Variants in WNT10A observed in about 807,000 individuals in gnomAD.
The protein encoded by WNT10A is protein Wnt-10a.
In WNT10A, 37 loss-of-function variants were observed where a neutral mutation model predicts 36.1. The observed-to-expected ratio is 1.02, with a 90% CI of 0.79 to 1.35. The LOEUF (loss-of-function observed/expected upper bound fraction) is 1.35. WNT10A is among the 40% of genes most tolerant of loss of function. The pLI is 0.00. For missense variants in WNT10A, 613 were observed against 601.4 expected, an observed-to-expected ratio of 1.02 and a Z score of -0.20; for synonymous variants, 255 against 254.1, an observed-to-expected ratio of 1.00 and a Z score of -0.03.
At chr2:218,883,642 C>A (rs940818730) in intron 2 of WNT10A, among the ~76,000 whole-genome samples, 1 of 151,554 alleles carries the variant, frequency 6.6e-6, no homozygotes, top group Non-Finnish European at 1.5e-5. Flanking sequence ...GGCATGCAGC[C>A]GCGAACTAAT....
At chr2:218,883,612 C>A (rs966602342) in intron 2 of WNT10A, among the ~76,000 whole-genome samples, 2 of 150,590 alleles carry the variant, frequency 1.3e-5, no homozygotes, top group Non-Finnish European at 3.0e-5. Context: ...CCCGGCCGAG[C>A]CCAGCCCGAC....
upstream of WNT10A, among the ~76,000 whole-genome samples, chr2:218,878,376 C>T (rs1402375701): frequency 6.6e-6 from 1 of 152,188 alleles, no homozygotes; most frequent in African/African-American, 2.4e-5. This position sits in a 1 kb window ranked among gnomAD's most constrained non-coding sequence, Gnocchi z 4.1. Flanking sequence ...CTCAGTATCA[C>T]TATTTGCCTC....
At chr2:218,874,533 G>T in the WNT10A span, among the ~76,000 whole-genome samples, 3 of 152,288 alleles carry the variant, frequency 2.0e-5, no homozygotes, top group African/African-American at 7.2e-5. Context: ...CCTTCCTTCT[G>T]GTTCCTCTTG....
At chr2:218,882,125 C>G in intron 1 of WNT10A, 36 bp from the exon 2 acceptor site, 2 of 1,603,510 alleles carry the variant, frequency 1.2e-6, no homozygotes, top group Non-Finnish European at 1.7e-6. Flanking sequence ...CTGGTCCCCC[C>G]AAAACACGTA....
intron 1 of WNT10A, among the ~76,000 whole-genome samples, chr2:218,881,734 G>A (rs141385662): frequency 6.6e-6 from 1 of 152,186 alleles, no homozygotes; most frequent in Admixed American, 6.5e-5. Flanking sequence ...CTGATGAAGT[G>A]TGCATGTGCG....
At chr2:218,878,050 C>G (rs764980156), upstream of WNT10A, among the ~76,000 whole-genome samples, 16 of 152,202 alleles carry the variant, frequency 1.1e-4, no homozygotes, top group Non-Finnish European at 2.2e-4. The surrounding 1 kb of genome is among the most constrained non-coding windows in gnomAD (Gnocchi z 4.1). Flanking sequence ...GCCTTTCATC[C>G]CCAGTGCTCC....
upstream of WNT10A, among the ~76,000 whole-genome samples, chr2:218,876,105 G>A (rs1158561346): frequency 6.6e-6 from 1 of 152,142 alleles, no homozygotes; most frequent in Non-Finnish European, 1.5e-5. Flanking sequence ...CTTTCTCCAT[G>A]ACAGCTCTAT....
chr2:218,893,291 GC>G lies in WNT10A; in HGVS notation c.*23del, dbSNP rs951810914. 2.0e-6 allele frequency: 3 copies of G among 1,537,478 alleles called. No individual in the cohort carries two copies. Among genetic ancestry groups the G allele is most frequent in the Non-Finnish European group, 2.6e-6 (3 of 1,147,274 alleles). On this transcript the variant is annotated 3_prime_UTR_variant, in exon 4 of 4. Transcript: ENST00000258411. The surrounding 1 kb of genome is among the most constrained non-coding windows in gnomAD (Gnocchi z 6.3). ...AAGTGAGCGGCCCGGGGTCCCCTGG[GC>G]CCTGATCGAGGTCCCCTCCTGGAGC...
chr2:218,881,115 C>A lies in WNT10A; in HGVS notation c.113+7C>A, dbSNP rs1322675392. The A allele has an allele frequency of 1.9e-6, 3 of 1,588,440 alleles. No homozygotes were observed. The highest frequency in any genetic ancestry group is 2.6e-6 in the Non-Finnish European group (3 of 1,166,868). Reference sequence around the variant, plus strand: ...TGGCTGCTGCCATGCCCAGGTGAGCCCTCACCTCATGCTCCGCCCTCCTAG... The same window carrying A: ...TGGCTGCTGCCATGCCCAGGTGAGCACTCACCTCATGCTCCGCCCTCCTAG... On this transcript the variant is annotated splice_region_variant and intron_variant, in intron 1 of 3. Transcript: ENST00000258411.
chr2:218,880,741 T>C, upstream of WNT10A: 1 of 439,926 alleles, frequency 2.3e-6, no homozygotes, highest in Non-Finnish European at 4.0e-6. This position sits in a 1 kb window ranked among gnomAD's most constrained non-coding sequence, Gnocchi z 7.7. Flanking sequence ...CCTCGGGAAA[T>C]TCCCCGGACC....
At chr2:218,878,375 A>T (rs1238536364), upstream of WNT10A, among the ~76,000 whole-genome samples, 1 of 151,828 alleles carries the variant, frequency 6.6e-6, no homozygotes, top group Non-Finnish European at 1.5e-5. This position sits in a 1 kb window ranked among gnomAD's most constrained non-coding sequence, Gnocchi z 4.1. Context: ...CCTCAGTATC[A>T]CTATTTGCCT....
At chr2:218,874,954 T>G in the WNT10A span, among the ~76,000 whole-genome samples, 6 of 152,096 alleles carry the variant, frequency 3.9e-5, no homozygotes, top group Non-Finnish European at 8.8e-5. Flanking sequence ...CTGCTCTATA[T>G]AGCAGAACCA....
chr2:218,880,197 A>C (rs1944492720), upstream of WNT10A, among the ~76,000 whole-genome samples: 2 of 152,120 alleles, frequency 1.3e-5, no homozygotes, highest in South Asian at 2.1e-4. This position sits in a 1 kb window ranked among gnomAD's most constrained non-coding sequence, Gnocchi z 7.7. Context: ...CAGCCCCTGC[A>C]GGTGTGTGTG....
the WNT10A span, among the ~76,000 whole-genome samples, chr2:218,875,730 T>A: frequency 1.3e-5 from 2 of 152,062 alleles, no homozygotes; most frequent in Non-Finnish European, 2.9e-5. Context: ...TTGGGAGAAT[T>A]TTTTTTTGAG....
chr2:218,893,198 GC>G lies in WNT10A; in HGVS notation c.1183del (p.Arg395AlafsTer43). 1.3e-6 allele frequency: 2 copies of G among 1,578,126 alleles called. No individual in the cohort carries two copies. The highest frequency in any genetic ancestry group is 1.7e-6 in the Non-Finnish European group (2 of 1,168,670). On this transcript the variant is annotated frameshift_variant, in exon 4 of 4. Transcript: ENST00000258411. LOFTEE classifies it high-confidence loss of function. This position sits in a 1 kb window ranked among gnomAD's most constrained non-coding sequence, Gnocchi z 6.3. ...LRQTRSERCH[C>X]RFHWCCFVVC... is the part of the protein sequence containing the mutation. Reference sequence around the variant, plus strand: ...CAGACGCGCAGCGAGCGCTGCCACTGCCGCTTCCACTGGTGCTGTTTCGTGG... The same window carrying G: ...CAGACGCGCAGCGAGCGCTGCCACTGCGCTTCCACTGGTGCTGTTTCGTGG...
rs745552253 is a variant in WNT10A at position 218,893,019 on chromosome 2, C to A, written c.1002C>A (p.Ala334=). 14 of 1,587,748 alleles carry A rather than the reference C, an allele frequency of 8.8e-6. No homozygotes were observed. Among genetic ancestry groups the A allele is most frequent in the Non-Finnish European group, 1.0e-5 (12 of 1,175,808 alleles). Residue 334 remains alanine, a synonymous_variant, in exon 4 of 4, where the codon GCC becomes GCA. Transcript: ENST00000258411. The surrounding 1 kb of genome is among the most constrained non-coding windows in gnomAD (Gnocchi z 6.3). ...APGPRRRASP[A]DLVYFEKSPD... The stretch of plus-strand genomic sequence containing the variant: ...GGCCGCGCCGACGGGCCAGCCCCGC[C>A]GACCTGGTCTACTTCGAAAAGTCTC...
At chr2:218,884,056 C>T (rs939154512) in intron 2 of WNT10A, 2 of 152,432 alleles carry the variant, frequency 1.3e-5, no homozygotes, top group Admixed American at 1.3e-4. Context: ...CTGGGATAGG[C>T]GCGGAGGTTC....
chr2:218,881,540 CTGTGTG>C (rs142861827), intron 1 of WNT10A, among the ~76,000 whole-genome samples: 4 of 141,540 alleles, frequency 2.8e-5, no homozygotes, highest in Non-Finnish European at 4.5e-5. Context: ...GCTGCAAGAG[CTGTGTG>C]TGTGTGTGTG....
Position 218,893,201 on chromosome 2 carries a change from G to T in WNT10A, c.1184G>T (p.Arg395Leu), listed in dbSNP as rs766086207. Residue 395 changes from arginine (R) to leucine (L), a missense_variant, in exon 4 of 4, where the codon CGC (arginine) becomes CTC (leucine). Physicochemically the swap from Arg to Leu is moderately radical, Grantham distance 102 (BLOSUM62 -2). Coordinates refer to ENST00000258411, the MANE Select transcript of WNT10A (RefSeq NM_025216.3). The surrounding 1 kb of genome is among the most constrained non-coding windows in gnomAD (Gnocchi z 6.3). ...ACGCGCAGCGAGCGCTGCCACTGCC[G>T]CTTCCACTGGTGCTGTTTCGTGGTC... ...RQTRSERCHC[R>L]FHWCCFVVCE... 8.9e-6 allele frequency: 14 copies of T among 1,576,610 alleles called. No homozygotes were observed. Among genetic ancestry groups the T allele is most frequent in the Non-Finnish European group, 1.2e-5 (14 of 1,167,908 alleles).
Sources: gnomAD v4.1 joint callset for allele counts (sites outside exome capture counted in the v4.1 genomes callset) on GRCh38, gnomAD v4.1.1 for gene constraint, Gnocchi (gnomAD v3.1) non-coding constraint, MANE v1.5 for transcripts, NCBI Gene and HGNC (gene_info 2026-07-23, HGNC 2026-07-21) for gene names.